DGKB: variants seen among roughly 807,000 people sequenced by gnomAD.
DGKB encodes the protein diacylglycerol kinase beta.
In DGKB, 67 loss-of-function variants were observed where a neutral mutation model predicts 114.3. The ratio of observed to expected loss-of-function variants is 0.59; its 90% CI spans 0.48 to 0.72. The LOEUF is 0.72. DGKB is among the 30% of genes least tolerant of loss of function. DGKB has a pLI of 0.00. For synonymous variants in DGKB, 398 were observed against 323.1 expected (o/e 1.23, Z -2.49); for missense variants, 907 against 975.2 (o/e 0.93, Z 0.93).
chr7:14,969,193 A>C (rs892424804), intron 1 of DGKB, among the ~76,000 whole-genome samples: 1 of 152,174 alleles, frequency 6.6e-6, no homozygotes, highest in Non-Finnish European at 1.5e-5. Flanking sequence ...AAAAATTTAA[A>C]TGAATATCAA....
At chr7:14,396,969 T>A (rs1200452743) in intron 21 of DGKB, among the ~76,000 whole-genome samples, 1 of 152,106 alleles carries the variant, frequency 6.6e-6, no homozygotes, top group Non-Finnish European at 1.5e-5. Flanking sequence ...TGGTTTTTAT[T>A]ACAAAAATTA....
At chr7:14,637,969 A>C (rs545495929) in intron 13 of DGKB, among the ~76,000 whole-genome samples, 2 of 152,144 alleles carry the variant, frequency 1.3e-5, no homozygotes, top group South Asian at 4.1e-4. Flanking sequence ...AATAAACATC[A>C]ATTTTCATTT....
intron 2 of DGKB, among the ~76,000 whole-genome samples, chr7:14,833,565 T>G (rs1846723396): frequency 6.6e-6 from 1 of 152,160 alleles, no homozygotes; most frequent in Admixed American, 6.6e-5. Flanking sequence ...GTGTATTCAT[T>G]TCATTGTTAG....
intron 14 of DGKB, 125 bp from the exon 15 acceptor site, chr7:14,621,619 T>C: frequency 1.6e-6 from 1 of 607,118 alleles, no homozygotes; most frequent in Non-Finnish European, 2.8e-6. Flanking sequence ...TAATTTGAAG[T>C]TCCTAGTGAA....
intron 5 of DGKB, among the ~76,000 whole-genome samples, chr7:14,733,944 A>G (rs778723935): frequency 1.3e-5 from 2 of 151,990 alleles, no homozygotes; most frequent in African/African-American, 2.4e-5. Flanking sequence ...TGGCTCAACC[A>G]TCTATTTCTT....
At chr7:14,429,020 T>C (rs572170484) in intron 21 of DGKB, among the ~76,000 whole-genome samples, 83 of 152,260 alleles carry the variant, frequency 5.5e-4, no homozygotes, top group South Asian at 3.3e-3. Context: ...ATTTTTAATT[T>C]TCATAGAAAT....
chr7:14,861,871 G>C (rs1851028225), intron 1 of DGKB, among the ~76,000 whole-genome samples: 1 of 151,852 alleles, frequency 6.6e-6, no homozygotes, highest in South Asian at 2.1e-4. Context: ...CTGTTGAAGG[G>C]CATTTGAGCT....
rs745517037 is a variant in DGKB at position 14,356,431 on chromosome 7, G to A, written c.1836-11040C>T. ...GGCTGGAGTGCAGTGGCACGATCTC[G>A]GCTCACTGCAAGCTCCGCCTTCCGG... On this transcript the variant is annotated intron_variant, in intron 21 of 25. Coordinates refer to ENST00000402815, the MANE Select transcript of DGKB (RefSeq NM_001350709.2). Among the ~76,000 whole-genome samples the A allele has an allele frequency of 3.2e-4, 44 of 139,046 alleles. 1 individual carries two copies. The highest frequency in any genetic ancestry group is 5.9e-4 in the Non-Finnish European group (39 of 66,262). The allele number at this position is 139,046 out of a possible 152,430, so 91.2% of individuals were successfully genotyped here.
At chr7:14,368,616 T>C (rs1241431745) in intron 21 of DGKB, among the ~76,000 whole-genome samples, 3 of 150,264 alleles carry the variant, frequency 2.0e-5, no homozygotes, top group African/African-American at 4.9e-5. Flanking sequence ...AGGTAGTGTA[T>C]GTAAATACAC....
intron 2 of DGKB, among the ~76,000 whole-genome samples, chr7:14,770,989 A>G (rs73682547): frequency 0.021 from 3,135 of 152,112 alleles, 106 homozygotes; most frequent in African/African-American, 0.072. Context: ...TTAGAATTAA[A>G]TAAGTTTTAT....
intron 1 of DGKB, among the ~76,000 whole-genome samples, chr7:14,909,491 A>C (rs1357005765): frequency 6.6e-6 from 1 of 152,062 alleles, no homozygotes; most frequent in African/African-American, 2.4e-5. Context: ...CACTTTAATA[A>C]TTTGTAGAAA....
intron 25 of DGKB, among the ~76,000 whole-genome samples, chr7:14,156,693 C>G (rs182880842): frequency 1.3e-5 from 2 of 151,990 alleles, no homozygotes; most frequent in African/African-American, 2.4e-5. Context: ...AAATTAAATT[C>G]AGAATTATGA....
chr7:14,250,498 T>G (rs1166186841), intron 23 of DGKB, among the ~76,000 whole-genome samples: 1 of 152,194 alleles, frequency 6.6e-6, no homozygotes, highest in African/African-American at 2.4e-5. Context: ...TTTCATGCCA[T>G]TTCGGTCAGA....
At chr7:14,349,521 A>G (rs1487238228) in intron 21 of DGKB, among the ~76,000 whole-genome samples, 2 of 152,172 alleles carry the variant, frequency 1.3e-5, no homozygotes, top group Admixed American at 6.6e-5. Context: ...TTTAGCAAAC[A>G]TATCACAAGA....
intron 2 of DGKB, among the ~76,000 whole-genome samples, chr7:14,778,645 A>G (rs1440324818): frequency 6.6e-6 from 1 of 152,334 alleles, no homozygotes; most frequent in East Asian, 1.9e-4. Flanking sequence ...TGCAAAGTTT[A>G]CTAACAGAAA....
chr7:14,855,979 G>C (rs546118159), intron 1 of DGKB, among the ~76,000 whole-genome samples: 2 of 117,252 alleles, frequency 1.7e-5, no homozygotes, highest in Non-Finnish European at 3.4e-5. Flanking sequence ...TGCTAATTTA[G>C]ATAATGTGTA....
chr7:14,418,192 A>C (rs140715371), intron 21 of DGKB, among the ~76,000 whole-genome samples: 1 of 137,808 alleles, frequency 7.3e-6, no homozygotes, highest in East Asian at 2.1e-4. Context: ...TAAATATAAA[A>C]AATTTTATAT....
At chr7:14,778,679 T>C (rs1430507863) in intron 2 of DGKB, among the ~76,000 whole-genome samples, 1 of 152,144 alleles carries the variant, frequency 6.6e-6, no homozygotes, top group Non-Finnish European at 1.5e-5. Flanking sequence ...TAAGAAACGA[T>C]TGGTTTTATT....
At chr7:14,442,905 C>T (rs1308681903) in intron 21 of DGKB, among the ~76,000 whole-genome samples, 1 of 152,002 alleles carries the variant, frequency 6.6e-6, no homozygotes. Context: ...TCTAAGTAAA[C>T]ATCTTTTTAC....
Sources: allele counts gnomAD v4.1 joint callset (sites outside exome capture counted in the v4.1 genomes callset), GRCh38; gene constraint gnomAD v4.1.1; transcripts MANE v1.5; gene names NCBI Gene and HGNC (gene_info 2026-07-23, HGNC 2026-07-21).